Variants in DST observed in about 807,000 individuals in gnomAD.
DST encodes the protein bullous pemphigoid antigen.
DST carries 253 observed loss-of-function variants against 875.2 expected under a neutral mutation model. The observed-to-expected ratio is 0.29, with a 90% CI of 0.26 to 0.32. DST has a LOEUF of 0.32. Ranked by LOEUF, DST falls within the 10% of genes least tolerant of loss-of-function variation. The probability of loss-of-function intolerance (pLI) is 1.00; values close to 1 mark genes in which losing one functional copy is unlikely to be tolerated. For synonymous variants in DST, 3,124 were observed against 3,197.1 expected (o/e 0.98, Z 0.77); for missense variants, 8,287 against 9,111.6 (o/e 0.91, Z 3.68).
rs775702098 is a variant in DST, at chr6:56,598,668, A to G, written c.11736T>C (p.Ala3912=). The G allele has an allele frequency of 2.0e-5, 32 of 1,609,872 alleles. No individual in the cohort carries two copies. The African/African-American group carries it at 4.3e-4, about 22-fold the overall frequency. The change falls in exon 46 of 104, where the codon GCT becomes GCC. Residue 3912 remains alanine (A), a synonymous_variant. Transcript: ENST00000680361. ...KDMQGSAQAL[A]EVVKNTENFL... is the part of the protein sequence containing the mutation. ...AGTTCTCTGTGTTTTTCACTACTTC[A>G]GCCAATGCCTGTGCACTTCCTTGCA...
intron 77 of DST, among the ~76,000 whole-genome samples, chr6:56,504,550 T>A (rs575553079): frequency 6.6e-6 from 1 of 152,162 alleles, no homozygotes; most frequent in Non-Finnish European, 1.5e-5. Context: ...ATTATTTAGA[T>A]TAGCATTAAG....
At chr6:56,936,078 T>C (rs898645362) in intron 2 of DST, among the ~76,000 whole-genome samples, 3 of 152,230 alleles carry the variant, frequency 2.0e-5, no homozygotes, top group Non-Finnish European at 4.4e-5. Context: ...TCATGAGTTA[T>C]ATGTAGCAAT....
intron 22 of DST, 120 bp downstream of exon 22, chr6:56,639,139 G>A (rs561788583): frequency 2.3e-6 from 2 of 852,734 alleles, no homozygotes; most frequent in South Asian, 1.4e-5. Flanking sequence ...AAACATTTCT[G>A]AGCCAGGTTT....
At chr6:56,506,996 A>G (rs559026111) in intron 75 of DST, among the ~76,000 whole-genome samples, 8 of 152,354 alleles carry the variant, frequency 5.3e-5, no homozygotes, top group African/African-American at 1.9e-4. Flanking sequence ...TCAAATGTTT[A>G]TTATAAAGAT....
chr6:56,747,145 T>C (rs1321340671), intron 4 of DST, among the ~76,000 whole-genome samples: 1 of 152,220 alleles, frequency 6.6e-6, no homozygotes, highest in Non-Finnish European at 1.5e-5. Context: ...CAAAGTTTAA[T>C]TGCCACAGAA....
chr6:56,461,056 T>C (rs967224023), intron 102 of DST: 1 of 152,184 alleles, frequency 6.6e-6, no homozygotes, highest in African/African-American at 2.4e-5. Context: ...GGGAATGTAA[T>C]ATAATATTCC....
intron 2 of DST, among the ~76,000 whole-genome samples, chr6:56,922,900 T>G (rs1469438619): frequency 6.6e-6 from 1 of 152,192 alleles, no homozygotes; most frequent in African/African-American, 2.4e-5. Flanking sequence ...TAAATTTTAT[T>G]GTTTCAAAGT....
intron 5 of DST, among the ~76,000 whole-genome samples, chr6:56,731,183 G>A (rs187387285): frequency 7.8e-4 from 119 of 151,948 alleles, no homozygotes; most frequent in African/African-American, 2.8e-3. Flanking sequence ...CATCCACTGA[G>A]ACTAAACAGA....
intron 4 of DST, among the ~76,000 whole-genome samples, chr6:56,818,965 A>G (rs967103350): frequency 2.0e-5 from 3 of 152,144 alleles, no homozygotes; most frequent in East Asian, 1.9e-4. Context: ...TCATCATTCA[A>G]TCAATGTTTG....
At chr6:56,717,488 AG>A (rs2099399532) in intron 5 of DST, among the ~76,000 whole-genome samples, 1 of 152,180 alleles carries the variant, frequency 6.6e-6, no homozygotes, top group Non-Finnish European at 1.5e-5. Flanking sequence ...CACCAGACTA[AG>A]GGATGAGAGG....
intron 55 of DST, 32 bp from the exon 56 acceptor site, chr6:56,562,232 G>A: frequency 1.4e-6 from 2 of 1,439,994 alleles, no homozygotes; most frequent in Non-Finnish European, 1.9e-6. Context: ...AATAATCACA[G>A]TTTCATAGTA....
At chr6:56,516,902 T>C (rs915367023) in intron 71 of DST, among the ~76,000 whole-genome samples, 1 of 152,154 alleles carries the variant, frequency 6.6e-6, no homozygotes, top group Non-Finnish European at 1.5e-5. Flanking sequence ...ATACTGATAA[T>C]AATGGTAATA....
At chr6:56,573,954 A>G (rs2097821169) in intron 50 of DST, 67 bp from the exon 51 acceptor site, 3 of 1,114,570 alleles carry the variant, frequency 2.7e-6, no homozygotes, top group Non-Finnish European at 3.9e-6. Flanking sequence ...TCAAAAACAC[A>G]TGAAGGTGAA....
chr6:56,466,866 T>C (rs1339119909), intron 98 of DST: 1 of 152,210 alleles, frequency 6.6e-6, no homozygotes, highest in African/African-American at 2.4e-5. Flanking sequence ...GACACATTAT[T>C]AATGATACAG....
In DST at chr6:56,551,472, T is replaced by G. The variant is rs377580891; in HGVS notation, c.16608+712A>C. On this transcript the variant is annotated intron_variant, in intron 61 of 103. Transcript: ENST00000680361. ...CCTATCTTTGTCCCCTATACAGATG[T>G]GACTTCTGTTCTCACTATCATAAAT... Among the ~76,000 whole-genome samples the G allele has an allele frequency of 1.8e-4, 28 of 152,352 alleles. No individual in the cohort carries two copies. The East Asian group carries it at 3.3e-3, about 18-fold the overall frequency.
In DST at chr6:56,591,923, C is replaced by A. The variant is rs4712136; in HGVS notation, c.12903+259G>T. On this transcript the variant is annotated intron_variant, in intron 49 of 103. Coordinates refer to ENST00000680361, the MANE Select transcript of DST (RefSeq NM_001374736.1). ...CTTGAACCCAGGAGGCGGCAGTTGC[C>A]GTGAGCTGAGATCACACTACTGCAC... Among the ~76,000 whole-genome samples the A allele has an allele frequency of 0.44, 65,238 of 147,350 alleles. 14,788 individuals are homozygous for A. Among genetic ancestry groups the A allele is most frequent in the African/African-American group, 0.52 (20,627 of 39,800 alleles).
intron 47 of DST, among the ~76,000 whole-genome samples, chr6:56,596,943 T>C (rs1249764027): frequency 1.3e-5 from 2 of 152,204 alleles, no homozygotes; most frequent in East Asian, 1.9e-4. Context: ...CAGAAAGAAC[T>C]TAAGTGAGCT....
chr6:56,893,557 T>C (rs1218010892), intron 3 of DST, among the ~76,000 whole-genome samples: 2 of 101,158 alleles, frequency 2.0e-5, no homozygotes, highest in African/African-American at 4.6e-5. Context: ...GTCCTACTTT[T>C]AGTTCTTTTT....
At chr6:56,490,766 A>G (rs1483756253) in intron 85 of DST, among the ~76,000 whole-genome samples, 1 of 152,196 alleles carries the variant, frequency 6.6e-6, no homozygotes, top group Non-Finnish European at 1.5e-5. Flanking sequence ...AATACAGGCT[A>G]TAACAGTTGG....
Sources: gnomAD v4.1 joint callset for allele counts (sites outside exome capture counted in the v4.1 genomes callset) on GRCh38, gnomAD v4.1.1 for gene constraint, MANE v1.5 for transcripts, NCBI Gene and HGNC (gene_info 2026-07-23, HGNC 2026-07-21) for gene names.